The following KCTD20 variants were observed in gnomAD, a reference collection of about 807,000 sequenced individuals.
KCTD20 encodes potassium channel tetramerization domain containing 20.
A neutral mutation model predicts 39.6 loss-of-function variants in KCTD20; 30 were observed. That is an observed-to-expected ratio of 0.76 (90% CI 0.57 to 1.03). The LOEUF is 1.03. Ranked by LOEUF, KCTD20 falls within the 50% of genes least tolerant of loss-of-function variation. The probability of loss-of-function intolerance (pLI) is 0.00; values close to 1 mark genes in which losing one functional copy is unlikely to be tolerated. For missense variants in KCTD20, 422 were observed against 522.0 expected, an observed-to-expected ratio of 0.81 and a Z score of 1.87; for synonymous variants, 162 against 180.6, an observed-to-expected ratio of 0.90 and a Z score of 0.83.
intron 2 of KCTD20, among the ~76,000 whole-genome samples, chr6:36,471,903 C>A (rs370688852): frequency 2.0e-5 from 3 of 149,416 alleles, no homozygotes; most frequent in African/African-American, 5.0e-5. Context: ...GGCTGGAGTG[C>A]GGTGGCGCGA....
chr6:36,459,141 A>G (rs1407487581), intron 1 of KCTD20, among the ~76,000 whole-genome samples: 2 of 152,086 alleles, frequency 1.3e-5, no homozygotes, highest in Non-Finnish European at 2.9e-5. Flanking sequence ...GTGAAACCCC[A>G]TCTCTACTAA....
At chr6:36,458,262 G>A (rs1305071039) in intron 1 of KCTD20, among the ~76,000 whole-genome samples, 1 of 151,924 alleles carries the variant, frequency 6.6e-6, no homozygotes, top group East Asian at 1.9e-4. Context: ...TCTAGGCCGG[G>A]TGCGGTGGCT....
At chr6:36,482,079 G>T (rs890338476) in intron 6 of KCTD20, among the ~76,000 whole-genome samples, 13 of 152,056 alleles carry the variant, frequency 8.5e-5, no homozygotes, top group African/African-American at 3.1e-4. Context: ...AAACATAAAA[G>T]GATATACACT....
chr6:36,455,093 T>C (rs1381155359), intron 1 of KCTD20, among the ~76,000 whole-genome samples: 1 of 152,128 alleles, frequency 6.6e-6, no homozygotes, highest in Non-Finnish European at 1.5e-5. Flanking sequence ...ATCTTGATGC[T>C]GACAAAAGCT....
intron 6 of KCTD20, among the ~76,000 whole-genome samples, chr6:36,483,760 C>T (rs1776333175): frequency 6.6e-6 from 1 of 152,080 alleles, no homozygotes; most frequent in South Asian, 2.1e-4. Context: ...CTCAAGCCAT[C>T]TTCCTGCATC....
intron 6 of KCTD20, among the ~76,000 whole-genome samples, chr6:36,483,381 T>G (rs1188847353): frequency 6.6e-6 from 1 of 151,098 alleles, no homozygotes; most frequent in Non-Finnish European, 1.5e-5. Context: ...TCCGGCTAAT[T>G]TTTGTATTAT....
intron 1 of KCTD20, among the ~76,000 whole-genome samples, chr6:36,443,950 A>G (rs1440773760): frequency 1.3e-5 from 2 of 152,192 alleles, no homozygotes; most frequent in African/African-American, 4.8e-5. Context: ...CGAGAAGTTG[A>G]GGTAGTTTTT....
At chr6:36,472,675 CTT>C (rs1269639541) in intron 2 of KCTD20, among the ~76,000 whole-genome samples, 3 of 151,614 alleles carry the variant, frequency 2.0e-5, no homozygotes, top group African/African-American at 7.3e-5. Context: ...CATTAAAAAA[CTT>C]TTTTTTACAT....
intron 1 of KCTD20, among the ~76,000 whole-genome samples, chr6:36,446,343 T>A (rs1554158305): frequency 3.9e-5 from 6 of 152,136 alleles, no homozygotes; most frequent in African/African-American, 7.2e-5. Context: ...TCAGTATTTT[T>A]AAAAAAATAT....
At chr6:36,455,435 C>G (rs1170643551) in intron 1 of KCTD20, among the ~76,000 whole-genome samples, 1 of 152,132 alleles carries the variant, frequency 6.6e-6, no homozygotes, top group East Asian at 1.9e-4. Flanking sequence ...AACAAAAAAA[C>G]TTCTCAACTT....
At chr6:36,478,189 G>A (rs1243916642) in intron 3 of KCTD20, among the ~76,000 whole-genome samples, 1 of 152,156 alleles carries the variant, frequency 6.6e-6, no homozygotes, top group East Asian at 1.9e-4. Flanking sequence ...TTTAAGGAAG[G>A]AAATGGCAGT....
chr6:36,460,651 A>G (rs1775575630), intron 1 of KCTD20, among the ~76,000 whole-genome samples: 1 of 152,072 alleles, frequency 6.6e-6, no homozygotes, highest in South Asian at 2.1e-4. Context: ...ATCAACCCCC[A>G]TCTGGAGGTA....
In KCTD20 at chr6:36,467,578, C is replaced by T. The variant is rs139137663; in HGVS notation, c.-46-2474C>T. On this transcript the variant is annotated intron_variant, in intron 1 of 7. Transcript: ENST00000373731. ...GTCTCGATCTCCTGACCTCGTGATC[C>T]GCCCGCCCCAGCCTCCCAGAGTGCT... Among the ~76,000 whole-genome samples, 450 of 151,418 alleles carry T rather than the reference C, an allele frequency of 3.0e-3. 1 individual carries two copies. The highest frequency in any genetic ancestry group is 8.7e-3 in the African/African-American group (361 of 41,270).
intron 1 of KCTD20, among the ~76,000 whole-genome samples, chr6:36,444,606 T>C (rs1333118497): frequency 6.6e-6 from 1 of 152,206 alleles, no homozygotes; most frequent in African/African-American, 2.4e-5. Context: ...TTGACTGTCA[T>C]ATTATCTGGT....
intron 3 of KCTD20, among the ~76,000 whole-genome samples, chr6:36,478,455 T>C (rs1776139377): frequency 6.6e-6 from 1 of 152,214 alleles, no homozygotes; most frequent in Non-Finnish European, 1.5e-5. Flanking sequence ...CTCTCTGAAA[T>C]GCAGTAAACT....
At chr6:36,475,909 T>C (rs746426186) in intron 3 of KCTD20, among the ~76,000 whole-genome samples, 4 of 152,248 alleles carry the variant, frequency 2.6e-5, no homozygotes, top group African/African-American at 7.2e-5. Context: ...TCAAGTTTTT[T>C]GAAATGGAAT....
chr6:36,480,587 A>G (rs1030935958), intron 5 of KCTD20, among the ~76,000 whole-genome samples: 5 of 151,850 alleles, frequency 3.3e-5, no homozygotes, highest in Admixed American at 6.6e-5. Flanking sequence ...TGGAGACAAG[A>G]GTCTCGTTCT....
chr6:36,480,450 T>C (rs1776211568), intron 5 of KCTD20, among the ~76,000 whole-genome samples: 1 of 150,318 alleles, frequency 6.7e-6, no homozygotes, highest in Non-Finnish European at 1.5e-5. Context: ...AGATGGGGTC[T>C]TGCTACTATG....
chr6:36,450,317 G>A (rs1049874130), intron 1 of KCTD20, among the ~76,000 whole-genome samples: 2 of 151,704 alleles, frequency 1.3e-5, no homozygotes, highest in African/African-American at 4.8e-5. Context: ...ACGAAACCCT[G>A]TCTCTACTAA....
Sources: allele counts gnomAD v4.1 joint callset (sites outside exome capture counted in the v4.1 genomes callset), GRCh38; gene constraint gnomAD v4.1.1; transcripts MANE v1.5; gene names NCBI Gene and HGNC (gene_info 2026-07-23, HGNC 2026-07-21).